Variants in FOXP1 observed in about 807,000 individuals in gnomAD.
FOXP1 encodes forkhead box protein P1.
A neutral mutation model predicts 98.2 loss-of-function variants in FOXP1; 15 were observed. That is an observed-to-expected ratio of 0.15 (90% CI 0.10 to 0.24). The LOEUF (loss-of-function observed/expected upper bound fraction) is 0.24, where lower values mean the gene tolerates loss of function less well. Ranked by LOEUF, FOXP1 falls within the 10% of genes least tolerant of loss-of-function variation. The pLI is 1.00. For missense variants in FOXP1, 633 were observed against 848.5 expected (o/e 0.75, Z 3.15); for synonymous variants, 371 against 314.5 (o/e 1.18, Z -1.90).
At chr3:71,224,907 C>T (rs2065713046) in intron 5 of FOXP1, among the ~76,000 whole-genome samples, 1 of 152,094 alleles carries the variant, frequency 6.6e-6, no homozygotes, top group African/African-American at 2.4e-5. Flanking sequence ...ACAACGGTAC[C>T]CAAATCTGCC....
intron 6 of FOXP1, chr3:71,197,808 C>A: frequency 7.2e-7 from 1 of 1,396,158 alleles, no homozygotes; most frequent in Non-Finnish European, 1.0e-6. Flanking sequence ...TTCCTTAGCT[C>A]TTATTTCCTT....
intron 3 of FOXP1, among the ~76,000 whole-genome samples, chr3:71,442,952 C>T (rs756703049): frequency 1.6e-4 from 25 of 152,094 alleles, no homozygotes; most frequent in African/African-American, 2.7e-4. Context: ...AGTGCAGTGG[C>T]GCGATCTCAG....
At chr3:71,558,951 T>C (rs1438549199) in intron 2 of FOXP1, among the ~76,000 whole-genome samples, 5 of 150,598 alleles carry the variant, frequency 3.3e-5, no homozygotes, top group African/African-American at 9.8e-5. Context: ...TACAGGTGCC[T>C]GCCACCACAC....
intron 6 of FOXP1, among the ~76,000 whole-genome samples, chr3:71,124,751 T>C (rs1056061497): frequency 6.6e-6 from 1 of 152,158 alleles, no homozygotes; most frequent in Admixed American, 6.5e-5. Flanking sequence ...TGAAACATGA[T>C]AGTTATTCAG....
chr3:71,166,810 A>G (rs1175793484), intron 6 of FOXP1, among the ~76,000 whole-genome samples: 1 of 152,142 alleles, frequency 6.6e-6, no homozygotes, highest in Non-Finnish European at 1.5e-5. Flanking sequence ...AAACAAAAAC[A>G]CACACAAAGA....
intron 6 of FOXP1, among the ~76,000 whole-genome samples, chr3:71,189,608 TG>T (rs2062846403): frequency 6.6e-6 from 1 of 152,200 alleles, no homozygotes; most frequent in African/African-American, 2.4e-5. Flanking sequence ...GTTTCATTGG[TG>T]CCCCCATTTT....
At chr3:71,004,568 A>C (rs2107640823) in intron 12 of FOXP1, among the ~76,000 whole-genome samples, 1 of 152,338 alleles carries the variant, frequency 6.6e-6, no homozygotes, top group South Asian at 2.1e-4. Flanking sequence ...CAGGGTTTAA[A>C]GGTGAAATGC....
chr3:71,261,151 C>T (rs984769512), intron 5 of FOXP1, among the ~76,000 whole-genome samples: 3 of 152,078 alleles, frequency 2.0e-5, no homozygotes, highest in African/African-American at 4.8e-5. Context: ...ATCATTTATA[C>T]CTTTTAAAGT....
At chr3:71,286,449 T>G (rs1256421374) in intron 5 of FOXP1, among the ~76,000 whole-genome samples, 3 of 152,150 alleles carry the variant, frequency 2.0e-5, no homozygotes, top group African/African-American at 7.2e-5. Flanking sequence ...AATTTCATAC[T>G]CTAAAAGCTG....
At position 71,436,748 on chromosome 3, in the gene FOXP1, C is replaced by T. The variant is rs199567697; in HGVS notation, c.-168+56678G>A. On this transcript the variant is annotated intron_variant, in intron 3 of 20. Coordinates refer to ENST00000649528, the MANE Select transcript of FOXP1 (RefSeq NM_001349338.3). Reference sequence around the variant, plus strand: ...ATGATGATGAGAATACACCAAAATACCTGGAAACCAACTCCGACTTGGAGC... The same window carrying T: ...ATGATGATGAGAATACACCAAAATATCTGGAAACCAACTCCGACTTGGAGC... Among the ~76,000 whole-genome samples, 9 of 152,040 alleles carry T rather than the reference C, an allele frequency of 5.9e-5. No homozygotes were observed. The East Asian group carries it at 1.7e-3, about 29-fold the overall frequency.
At chr3:71,401,180 AT>A (rs1248842212) in intron 3 of FOXP1, among the ~76,000 whole-genome samples, 2 of 152,236 alleles carry the variant, frequency 1.3e-5, no homozygotes, top group African/African-American at 4.8e-5. Flanking sequence ...CATTATCTTT[AT>A]TTATCAACTC....
chr3:71,218,947 G>T (rs1576434940), intron 5 of FOXP1, among the ~76,000 whole-genome samples: 1 of 152,052 alleles, frequency 6.6e-6, no homozygotes, highest in Non-Finnish European at 1.5e-5. Flanking sequence ...CTTCCACTTT[G>T]ATGTCCTAAA....
chr3:71,550,341 C>T (rs1209532976), intron 2 of FOXP1, among the ~76,000 whole-genome samples: 3 of 152,278 alleles, frequency 2.0e-5, no homozygotes, highest in East Asian at 1.9e-4. Context: ...CGCTGTTGAC[C>T]GTGAGCTAAT....
intron 4 of FOXP1, among the ~76,000 whole-genome samples, chr3:71,318,154 GT>G (rs56227948): frequency 0.93 from 124,545 of 133,294 alleles, 58,098 homozygotes; most frequent in East Asian, 0.97. Context: ...ACCCAGCAAG[GT>G]TTTTTTTTTT....
At chr3:70,984,031 ATTG>A (rs1329637890) in intron 14 of FOXP1, among the ~76,000 whole-genome samples, 3 of 152,126 alleles carry the variant, frequency 2.0e-5, no homozygotes, top group Non-Finnish European at 4.4e-5. Context: ...GCAGTTTACT[ATTG>A]TTTGTTTTTG....
chr3:71,311,479 T>C (rs2074677987), intron 4 of FOXP1, among the ~76,000 whole-genome samples: 1 of 152,214 alleles, frequency 6.6e-6, no homozygotes, highest in African/African-American at 2.4e-5. Context: ...AATCAGTGTA[T>C]GAGTGGAACA....
At chr3:71,102,742 ACT>A (rs2057075301) in intron 7 of FOXP1, among the ~76,000 whole-genome samples, 1 of 152,166 alleles carries the variant, frequency 6.6e-6, no homozygotes, top group Non-Finnish European at 1.5e-5. Context: ...AGCATCAGCA[ACT>A]CTGATTCCAT....
intron 6 of FOXP1, among the ~76,000 whole-genome samples, chr3:71,149,141 G>A (rs2108051152): frequency 6.6e-6 from 1 of 152,342 alleles, no homozygotes; most frequent in South Asian, 2.1e-4. Context: ...TACTCTTGGG[G>A]CATTCTGAGT....
intron 6 of FOXP1, among the ~76,000 whole-genome samples, chr3:71,142,188 A>T (rs2060102718): frequency 6.6e-6 from 1 of 152,184 alleles, no homozygotes; most frequent in African/African-American, 2.4e-5. Flanking sequence ...TATAATTACC[A>T]CAGAAAACAA....
Sources: allele counts gnomAD v4.1 joint callset (sites outside exome capture counted in the v4.1 genomes callset), GRCh38; gene constraint gnomAD v4.1.1; transcripts MANE v1.5; gene names NCBI Gene and HGNC (gene_info 2026-07-23, HGNC 2026-07-21).